RASGRP3: variants seen among roughly 807,000 people sequenced by gnomAD.
The protein encoded by RASGRP3 is ras guanyl-releasing protein 3.
A neutral mutation model predicts 82.7 loss-of-function variants in RASGRP3; 54 were observed. The ratio of observed to expected loss-of-function variants is 0.65; its 90% CI spans 0.52 to 0.82. The LOEUF (loss-of-function observed/expected upper bound fraction) is 0.82. Among genes scored for constraint, RASGRP3 ranks in the 40% least tolerant of loss-of-function variants. The probability of loss-of-function intolerance (pLI) is 0.00; values close to 1 mark genes in which losing one functional copy is unlikely to be tolerated. For synonymous variants in RASGRP3, 309 were observed against 300.5 expected (o/e 1.03, Z -0.29); for missense variants, 861 against 828.9 (o/e 1.04, Z -0.48).
chr2:33,470,500 C>T (rs1255339317), intron 2 of RASGRP3, among the ~76,000 whole-genome samples: 1 of 151,948 alleles, frequency 6.6e-6, no homozygotes, highest in Admixed American at 6.6e-5. Context: ...CTGCCTCAGC[C>T]TCCCGAGTAG....
chr2:33,539,931 T>C (rs938610861), intron 12 of RASGRP3: 5 of 148,400 alleles, frequency 3.4e-5, no homozygotes, highest in African/African-American at 1.2e-4. Flanking sequence ...GAGCTTGCAG[T>C]GAGGTGAGAT....
chr2:33,498,685 G>T (rs895373575), intron 1 of RASGRP3, among the ~76,000 whole-genome samples: 21 of 152,132 alleles, frequency 1.4e-4, no homozygotes, highest in African/African-American at 4.8e-4. Flanking sequence ...TCTGTGTGCA[G>T]CATTCTCCTT....
At chr2:33,475,840 G>C (rs1667327399), upstream of RASGRP3, among the ~76,000 whole-genome samples, 1 of 152,166 alleles carries the variant, frequency 6.6e-6, no homozygotes, top group African/African-American at 2.4e-5. Flanking sequence ...CACCAAAGGG[G>C]GCAGTAGTGC....
At position 33,562,929 on chromosome 2, in the gene RASGRP3, C is replaced by T; in HGVS notation, c.*192C>T. ...TTGACCCTAACTAACTAACTATGAA[C>T]TATTTATTTCCTCCTCCCCTACCCC... On this transcript the variant is annotated 3_prime_UTR_variant, in exon 18 of 18. Coordinates refer to ENST00000403687, the MANE Select transcript of RASGRP3 (RefSeq NM_001139488.2). 1.5e-6 allele frequency: 1 copy of T among 689,444 alleles called. No homozygotes were observed. The highest frequency in any genetic ancestry group is 2.4e-6 in the Non-Finnish European group (1 of 415,300). The allele number at this position is 689,444 out of a possible 1,614,324, so 42.7% of individuals were successfully genotyped here.
intron 15 of RASGRP3, among the ~76,000 whole-genome samples, chr2:33,557,361 G>A (rs983483392): frequency 2.6e-5 from 4 of 152,276 alleles, no homozygotes; most frequent in African/African-American, 9.6e-5. Context: ...TCTGTTGGAA[G>A]CAGAAGATAT....
At chr2:33,504,969 T>C (rs1465616601) in intron 1 of RASGRP3, among the ~76,000 whole-genome samples, 1 of 152,232 alleles carries the variant, frequency 6.6e-6, no homozygotes, top group African/African-American at 2.4e-5. Flanking sequence ...TTGCATTTTT[T>C]GGTGAGAATT....
chr2:33,479,857 T>G (rs921655806), intron 1 of RASGRP3, among the ~76,000 whole-genome samples: 1 of 151,944 alleles, frequency 6.6e-6, no homozygotes, highest in African/African-American at 2.4e-5. Flanking sequence ...AAATTAGGGT[T>G]GGAGATAATG....
At chr2:33,465,889 C>A (rs1207478988) in intron 2 of RASGRP3, among the ~76,000 whole-genome samples, 1 of 148,378 alleles carries the variant, frequency 6.7e-6, no homozygotes, top group East Asian at 2.0e-4. Flanking sequence ...ATAAATGGAA[C>A]AACAAAGCCT....
chr2:33,469,858 A>G (rs188714706), intron 2 of RASGRP3, among the ~76,000 whole-genome samples: 3 of 152,306 alleles, frequency 2.0e-5, no homozygotes, highest in Admixed American at 2.0e-4. Flanking sequence ...ATAGTTAATG[A>G]TTTAACCTGT....
intron 1 of RASGRP3, among the ~76,000 whole-genome samples, chr2:33,442,539 G>A (rs1041635062): frequency 6.6e-6 from 1 of 152,228 alleles, no homozygotes; most frequent in Non-Finnish European, 1.5e-5. Flanking sequence ...ATATGTTCAT[G>A]CTAATTCATT....
intron 6 of RASGRP3, among the ~76,000 whole-genome samples, chr2:33,521,509 T>C (rs558725833): frequency 1.3e-5 from 2 of 152,382 alleles, no homozygotes; most frequent in African/African-American, 4.8e-5. Flanking sequence ...TCATTCCTAA[T>C]AAGTCAGAAC....
chr2:33,550,141 G>A (rs17597682), intron 14 of RASGRP3, among the ~76,000 whole-genome samples: 6,384 of 152,198 alleles, frequency 0.042, 182 homozygotes, highest in South Asian at 0.092. Context: ...CCAGAAATCC[G>A]TCATGGCATG....
At position 33,468,999 on chromosome 2, in the gene RASGRP3, C is replaced by G. The variant is rs150871204; in HGVS notation, c.-261+21056C>G. Among the ~76,000 whole-genome samples the G allele has an allele frequency of 3.2e-3, 482 of 150,676 alleles. 3 individuals are homozygous for G. Among genetic ancestry groups the G allele is most frequent in the African/African-American group, 0.011 (455 of 41,172 alleles). ...TGGTAGAGTATGAAGGTGCCATTTT[C>G]CAAACCTCCTGCCAACACTGAGAAT... On this transcript the variant is annotated intron_variant, in intron 2 of 18. Transcript: ENST00000402538.
chr2:33,526,103 AG>A (rs1461213826), intron 9 of RASGRP3, among the ~76,000 whole-genome samples: 2 of 152,358 alleles, frequency 1.3e-5, no homozygotes, highest in East Asian at 3.9e-4. Flanking sequence ...GAGCCAACTC[AG>A]GTCTTAGGTC....
chr2:33,527,425 G>A lies in RASGRP3; in HGVS notation c.1083+13G>A, dbSNP rs549796693. 2.7e-5 allele frequency: 44 copies of A among 1,602,720 alleles called. No homozygotes were observed. The South Asian group carries it at 4.4e-4, about 16-fold the overall frequency. ...CAACCTGCTCACGGTGAGTTCCAAG[G>A]AGCCAAGTTTGGGCTCAATAATTCT... is the stretch of plus-strand genomic sequence containing the variant. On this transcript the variant is annotated intron_variant, in intron 10 of 17. Coordinates refer to ENST00000403687, the MANE Select transcript of RASGRP3 (RefSeq NM_001139488.2).
chr2:33,545,612 C>T (rs1674654418), intron 13 of RASGRP3, among the ~76,000 whole-genome samples: 1 of 152,112 alleles, frequency 6.6e-6, no homozygotes, highest in African/African-American at 2.4e-5. Context: ...TTGTTTTTGG[C>T]CTCTTCATTA....
chr2:33,543,472 C>T, intron 12 of RASGRP3, 40 bp from the exon 13 acceptor site: 1 of 1,311,584 alleles, frequency 7.6e-7, no homozygotes, highest in Non-Finnish European at 1.1e-6. Context: ...TCAGAGCCTG[C>T]CTTATAGTCA....
intron 2 of RASGRP3, among the ~76,000 whole-genome samples, chr2:33,453,358 T>C (rs1261228442): frequency 1.3e-5 from 2 of 152,202 alleles, no homozygotes; most frequent in African/African-American, 4.8e-5. Flanking sequence ...CATTCATGCA[T>C]GGATAGTTGT....
rs1170291640 is a variant in RASGRP3 at position 33,515,273 on chromosome 2, G to A, written c.70+67G>A. 1.9e-6 allele frequency: 3 copies of A among 1,551,634 alleles called. No homozygotes were observed. In the African/African-American group the frequency reaches 4.1e-5, roughly 21 times the overall value. ...TGCTCTCACTTTCCTCTATTCAGAG[G>A]CAAGTTGCTTGTAGAACAGAGTTCA... On this transcript the variant is annotated intron_variant, in intron 3 of 17. Coordinates refer to ENST00000403687, the MANE Select transcript of RASGRP3 (RefSeq NM_001139488.2).
Sources: gnomAD v4.1 joint callset for allele counts (sites outside exome capture counted in the v4.1 genomes callset) on GRCh38, gnomAD v4.1.1 for gene constraint, MANE v1.5 for transcripts, NCBI Gene and HGNC (gene_info 2026-07-23, HGNC 2026-07-21) for gene names.